ATP8B1: variants seen among roughly 807,000 people sequenced by gnomAD.
ATP8B1 encodes ATPase phospholipid transporting 8B1.
Under a neutral mutation model 149.9 loss-of-function variants are expected in ATP8B1, and 80 were observed. That is an observed-to-expected ratio of 0.53 (90% CI 0.45 to 0.64). ATP8B1 has a LOEUF of 0.64. Ranked by LOEUF, ATP8B1 falls within the 30% of genes least tolerant of loss-of-function variation. ATP8B1 has a pLI of 0.00. For synonymous variants in ATP8B1, 536 were observed against 562.8 expected (o/e 0.95, Z 0.67); for missense variants, 1,247 against 1,552.6 (o/e 0.80, Z 3.31).
chr18:57,751,157 A>G (rs1191109520), intron 1 of ATP8B1, among the ~76,000 whole-genome samples: 2 of 152,142 alleles, frequency 1.3e-5, no homozygotes, highest in Non-Finnish European at 2.9e-5. Flanking sequence ...AATCTTATCA[A>G]TGCTTGTTAT....
intron 16 of ATP8B1, 52 bp from the exon 17 acceptor site, chr18:57,671,632 A>AT (rs1337645026): frequency 1.8e-5 from 23 of 1,303,796 alleles, no homozygotes; most frequent in South Asian, 3.6e-5. Flanking sequence ...TTTTATATAT[A>AT]TATTTTTTGA....
chr18:57,668,697 C>T, intron 18 of ATP8B1, 157 bp from the exon 19 acceptor site: 1 of 579,200 alleles, frequency 1.7e-6, no homozygotes, highest in South Asian at 2.3e-5. Flanking sequence ...GGGAAGGCTG[C>T]CATGTTTCAC....
At chr18:57,749,286 G>C (rs1283412906) in intron 1 of ATP8B1, among the ~76,000 whole-genome samples, 1 of 152,050 alleles carries the variant, frequency 6.6e-6, no homozygotes, top group Non-Finnish European at 1.5e-5. Context: ...GTAGTACAGA[G>C]AATATATATA....
chr18:57,784,057 A>G lies in ATP8B1; in HGVS notation c.-26+18941T>C, dbSNP rs919423107. 1.3e-5 allele frequency among the ~76,000 whole-genome samples: 2 copies of G among 152,216 alleles called. No homozygotes were observed. Among genetic ancestry groups the G allele is most frequent in the Non-Finnish European group, 2.9e-5 (2 of 68,044 alleles). ...TACTTTAATTTTTACTGGGGTGGGC[A>G]GAGACTACGCTGAAGAAATGACATT... is the stretch of plus-strand genomic sequence containing the variant. On this transcript the variant is annotated intron_variant, in intron 1 of 27. Coordinates refer to ENST00000648908, the MANE Select transcript of ATP8B1 (RefSeq NM_001374385.1). The surrounding 1 kb of genome is among the most constrained non-coding windows in gnomAD (Gnocchi z 4.4).
chr18:57,682,817 G>A (rs577508686), intron 15 of ATP8B1, among the ~76,000 whole-genome samples: 78 of 152,168 alleles, frequency 5.1e-4, no homozygotes, highest in African/African-American at 1.8e-3. Context: ...AAGGTATCAT[G>A]TACAGCTTCT....
rs140298781 is a variant in ATP8B1, at chr18:57,703,431, G to T, written c.393+1124C>A. On this transcript the variant is annotated intron_variant, in intron 4 of 27. Coordinates refer to ENST00000648908, the MANE Select transcript of ATP8B1 (RefSeq NM_001374385.1). ...CTAAAAATACAAAAATTAGCTGGGCGTGGTGGCTGGCAACTGTGATCCCAG... is the reference window on the plus strand; with the variant it reads ...CTAAAAATACAAAAATTAGCTGGGCTTGGTGGCTGGCAACTGTGATCCCAG... Among the ~76,000 whole-genome samples the T allele has an allele frequency of 5.1e-3, 774 of 152,160 alleles. 11 individuals carry two copies. The highest frequency in any genetic ancestry group is 0.017 in the African/African-American group (697 of 41,506).
chr18:57,782,803 C>CTTTTTT (rs79009229), intron 1 of ATP8B1, among the ~76,000 whole-genome samples: 2,119 of 90,828 alleles, frequency 0.023, 393 homozygotes, highest in East Asian at 0.15. Flanking sequence ...TAGTTTGTCT[C>CTTTTTT]TTTTTTTTTT....
chr18:57,731,781 C>T lies in ATP8B1; in HGVS notation c.27G>A (p.Thr9=), dbSNP rs1283632533. Residue 9 remains threonine (T), a synonymous_variant, in exon 2 of 28, where the codon ACG becomes ACA. Transcript: ENST00000648908. ...TAGGCTGAGAATCCTCGTCAAATGT[C>T]GTTTCTGAGTCTCTTTCTGTACTCA... The part of the protein sequence containing the change: MSTERDSE[T]TFDEDSQPND... The T allele has an allele frequency of 7.4e-6, 12 of 1,613,906 alleles. No homozygotes were observed. The highest frequency in any genetic ancestry group is 1.3e-5 in the African/African-American group (1 of 74,872).
chr18:57,694,492 G>GT, intron 11 of ATP8B1, 90 bp downstream of exon 11: 1 of 912,584 alleles, frequency 1.1e-6, no homozygotes, highest in Non-Finnish European at 1.7e-6. Context: ...ACCTAAAGAG[G>GT]TAAGATTTTG....
intron 4 of ATP8B1, among the ~76,000 whole-genome samples, chr18:57,704,160 G>C (rs1468211732): frequency 1.3e-5 from 2 of 152,040 alleles, no homozygotes; most frequent in African/African-American, 4.8e-5. Context: ...TAGAAACGGG[G>C]TTTAACCATG....
chr18:57,699,455 G>C (rs1349011608), intron 6 of ATP8B1, among the ~76,000 whole-genome samples: 2 of 152,006 alleles, frequency 1.3e-5, no homozygotes, highest in East Asian at 3.9e-4. Flanking sequence ...CAGGAGTCTC[G>C]GCCGGGCCCG....
At chr18:57,794,047 A>AC (rs1384429261) in intron 1 of ATP8B1, among the ~76,000 whole-genome samples, 1 of 152,106 alleles carries the variant, frequency 6.6e-6, no homozygotes, top group African/African-American at 2.4e-5. Context: ...AACCATGTTA[A>AC]CCCCAGTATT....
intron 1 of ATP8B1, among the ~76,000 whole-genome samples, chr18:57,795,365 T>G (rs2080504135): frequency 1.7e-5 from 2 of 118,712 alleles, no homozygotes; most frequent in Admixed American, 1.6e-4. Flanking sequence ...ATCACACCAC[T>G]GCACTCCAGC....
intron 2 of ATP8B1, chr18:57,731,406 C>T: frequency 2.7e-5 from 12 of 440,404 alleles, no homozygotes; most frequent in East Asian, 4.3e-5. Flanking sequence ...AATGTATTTT[C>T]TCTGCAGAAC....
intron 2 of ATP8B1, among the ~76,000 whole-genome samples, chr18:57,725,268 A>G (rs1380511007): frequency 6.6e-6 from 1 of 151,102 alleles, no homozygotes; most frequent in Admixed American, 6.6e-5. Flanking sequence ...AAAAGAAAAA[A>G]AATAATCCCA....
chr18:57,661,472 CAG>C lies in ATP8B1; in HGVS notation c.2419-12_2419-11del, dbSNP rs1367290741. ...CGAGAAGAATTTCATTCTGTGAAAT[CAG>C]AGAGGGAAAAGGTTACATTCACTTT... is the stretch of plus-strand genomic sequence containing the variant. On this transcript the variant is annotated splice_polypyrimidine_tract_variant and intron_variant, in intron 21 of 27. Transcript: ENST00000648908. 6.2e-7 allele frequency: 1 copy of C among 1,612,820 alleles called. No individual in the cohort carries two copies. Among genetic ancestry groups the C allele is most frequent in the East Asian group, 2.2e-5 (1 of 44,856 alleles).
rs137991632 is a variant in ATP8B1 at position 57,783,889 on chromosome 18, C to T, written c.-26+19109G>A. Among the ~76,000 whole-genome samples the T allele has an allele frequency of 3.3e-4, 50 of 152,068 alleles. 1 individual carries two copies. The East Asian group carries it at 8.1e-3, about 25-fold the overall frequency. Reference sequence around the variant, plus strand: ...TAAGCATTGAAGAAAACACAGAAGCCGTCTCCTCTACCATACATCGAAGGG... The same window carrying T: ...TAAGCATTGAAGAAAACACAGAAGCTGTCTCCTCTACCATACATCGAAGGG... On this transcript the variant is annotated intron_variant, in intron 1 of 27. Coordinates refer to ENST00000648908, the MANE Select transcript of ATP8B1 (RefSeq NM_001374385.1).
At chr18:57,717,096 C>T (rs1422980179) in intron 2 of ATP8B1, among the ~76,000 whole-genome samples, 1 of 152,054 alleles carries the variant, frequency 6.6e-6, no homozygotes. Context: ...AGAAATTAAA[C>T]AGGAAACTGA....
chr18:57,684,186 C>A lies in ATP8B1; in HGVS notation c.1480G>T (p.Asp494Tyr). Reference sequence around the variant, plus strand: ...TCAGCATATGTATTCCAGCTAAAATCAACTTGCTGAAAGAAATGGAGAAAA... The same window carrying A: ...TCAGCATATGTATTCCAGCTAAAATAAACTTGCTGAAAGAAATGGAGAAAA... ...QHNHNKIEQV[D>Y]FSWNTYADGK... The change falls in exon 15 of 28, where the codon GAT becomes TAT. Residue 494 changes from aspartate (D) to tyrosine (Y), a missense_variant. By Grantham distance (160) the Asp-to-Tyr change is radical. Transcript: ENST00000648908. The A allele has an allele frequency of 6.2e-7, 1 of 1,613,722 alleles. No homozygotes were observed. Among genetic ancestry groups the A allele is most frequent in the Non-Finnish European group, 8.5e-7 (1 of 1,179,748 alleles).
Sources: gnomAD v4.1 joint callset for allele counts (sites outside exome capture counted in the v4.1 genomes callset) on GRCh38, gnomAD v4.1.1 for gene constraint, Gnocchi (gnomAD v3.1) non-coding constraint, MANE v1.5 for transcripts, NCBI Gene and HGNC (gene_info 2026-07-23, HGNC 2026-07-21) for gene names.